The following ECE1 variants were observed in gnomAD, a reference collection of about 807,000 sequenced individuals.
The protein encoded by ECE1 is endothelin converting enzyme 1.
A neutral mutation model predicts 98.6 loss-of-function variants in ECE1; 35 were observed. The ratio of observed to expected loss-of-function variants is 0.35; its 90% CI spans 0.27 to 0.47. The LOEUF (loss-of-function observed/expected upper bound fraction) is 0.47. Among genes scored for constraint, ECE1 ranks in the 20% least tolerant of loss-of-function variants. The pLI is 1.00. For synonymous variants in ECE1, 394 were observed against 407.1 expected (o/e 0.97, Z 0.39); for missense variants, 814 against 1,025.3 (o/e 0.79, Z 2.81).
chr1:21,328,103 T>C (rs1413553183), intron 1 of ECE1, among the ~76,000 whole-genome samples: 4 of 152,188 alleles, frequency 2.6e-5, no homozygotes, highest in Non-Finnish European at 5.9e-5. Context: ...AGGTTGGAGA[T>C]TGCTGCTATA....
intron 4 of ECE1, chr1:21,266,778 T>C (rs2098234448): frequency 6.6e-6 from 1 of 152,234 alleles, no homozygotes; most frequent in Non-Finnish European, 1.5e-5. Flanking sequence ...TAACTCGTCC[T>C]AGGTCGCAAA....
chr1:21,289,387 G>C lies in ECE1; in HGVS notation c.138+683C>G, dbSNP rs2098263972. On this transcript the variant is annotated intron_variant, in intron 2 of 18. Transcript: ENST00000374893. ...CCCAGGGACGGGAGGGCAGAAAGCA[G>C]CCTTGCTCAATGTCCTGTTACAAGG... Among the ~76,000 whole-genome samples, 4 of 152,166 alleles carry C rather than the reference G, an allele frequency of 2.6e-5. No homozygotes were observed. The South Asian group carries it at 8.3e-4, about 32-fold the overall frequency.
rs775758654 is a variant in ECE1 at position 21,256,177 on chromosome 1, C to T, written c.829-39G>A. The T allele has an allele frequency of 2.1e-5, 33 of 1,573,416 alleles. No individual in the cohort carries two copies. In the African/African-American group the frequency reaches 3.1e-4, roughly 15 times the overall value. On this transcript the variant is annotated intron_variant, in intron 7 of 18. Coordinates refer to ENST00000374893, the MANE Select transcript of ECE1 (RefSeq NM_001397.3). ...ACCCCAAACTGTCAGTGGCTGCCCC[C>T]CCACTATCCACTGGACGAGAGTTGG...
intron 3 of ECE1, among the ~76,000 whole-genome samples, chr1:21,276,684 CTT>C (rs1163785168): frequency 5.5e-4 from 68 of 124,552 alleles, no homozygotes; most frequent in Admixed American, 5.9e-4. Flanking sequence ...GATTTGCTTT[CTT>C]TTTTTTTTTT....
At chr1:21,284,247 C>T (rs748726457) in intron 2 of ECE1, among the ~76,000 whole-genome samples, 10 of 152,142 alleles carry the variant, frequency 6.6e-5, no homozygotes, top group Non-Finnish European at 1.2e-4. Context: ...AATGAGGTCC[C>T]GTCAAGCATG....
At position 21,285,309 on chromosome 1, in the gene ECE1, T is replaced by G. The variant is rs544920553; in HGVS notation, c.138+4761A>C. ...TCCCCACAGCATGGGAGAAAGATGG[T>G]AACCCTGAGAAGTCAAATATCCCAC... On this transcript the variant is annotated intron_variant, in intron 2 of 18. Transcript: ENST00000374893. Among the ~76,000 whole-genome samples the G allele has an allele frequency of 1.9e-4, 29 of 152,276 alleles. 2 individuals are homozygous for G. The South Asian group carries it at 6.0e-3, about 32-fold the overall frequency.
At chr1:21,282,748 G>A (rs1161228194) in intron 2 of ECE1, among the ~76,000 whole-genome samples, 1 of 151,976 alleles carries the variant, frequency 6.6e-6, no homozygotes, top group Non-Finnish European at 1.5e-5. Flanking sequence ...CAAGGAGACA[G>A]CTAAGAGCAA....
At chr1:21,310,678 T>C (rs1484997325) in intron 1 of ECE1, among the ~76,000 whole-genome samples, 1 of 151,994 alleles carries the variant, frequency 6.6e-6, no homozygotes, top group African/African-American at 2.4e-5. Context: ...CAGGGATGAT[T>C]TGGGTACTTG....
Position 21,326,191 on chromosome 1 carries a change from G to A in ECE1, c.3+19185C>T, listed in dbSNP as rs577249520. ...CCCAGACTCAGCTGCCACACAGCACGAGCTCCCTGAGCAAAAATACCCATG... is the reference window on the plus strand; with the variant it reads ...CCCAGACTCAGCTGCCACACAGCACAAGCTCCCTGAGCAAAAATACCCATG... On this transcript the variant is annotated intron_variant, in intron 1 of 18. Coordinates refer to the ECE1 transcript ENST00000415912. Among the ~76,000 whole-genome samples, 18 of 152,034 alleles carry A rather than the reference G, an allele frequency of 1.2e-4. 1 individual carries two copies. The South Asian group carries it at 1.7e-3, about 14-fold the overall frequency.
chr1:21,226,992 G>A (rs1274882915), intron 16 of ECE1, among the ~76,000 whole-genome samples, 167 bp downstream of exon 16: 2 of 152,034 alleles, frequency 1.3e-5, no homozygotes, highest in Admixed American at 1.3e-4. Context: ...TCACAGCGCT[G>A]GGATTACAGG....
At position 21,258,736 on chromosome 1, in the gene ECE1, T is replaced by C. The variant is rs755120415; in HGVS notation, c.719A>G (p.Tyr240Cys). The change falls in exon 6 of 19, where the codon TAT becomes TGT. Residue 240 changes from tyrosine (Y) to cysteine (C), a missense_variant. By Grantham distance (194) the Tyr-to-Cys change is radical (BLOSUM62 -2). Around this residue, in one of 3 missense-constraint regions of ECE1, gnomAD observed 105 missense variants for 179.1 expected, o/e 0.59. Coordinates refer to ENST00000374893, the MANE Select transcript of ECE1 (RefSeq NM_001397.3). This position sits in a 1 kb window ranked among gnomAD's most constrained non-coding sequence, Gnocchi z 4.2. ...GGAGTTCTTGGAATCGGCACTGACA[T>C]AGACAGAGAAGAAGGGTGAGGTGCG... is the stretch of plus-strand genomic sequence containing the variant. ...HYRTSPFFSV[Y>C]VSADSKNSNS... The C allele has an allele frequency of 2.5e-6, 4 of 1,614,032 alleles. No individual in the cohort carries two copies. Among genetic ancestry groups the C allele is most frequent in the South Asian group, 2.2e-5 (2 of 91,074 alleles).
At chr1:21,276,689 T>G (rs1344936119) in intron 3 of ECE1, among the ~76,000 whole-genome samples, 1 of 149,960 alleles carries the variant, frequency 6.7e-6, no homozygotes, top group Non-Finnish European at 1.5e-5. Context: ...GCTTTCTTTT[T>G]TTTTTTTTTT....
chr1:21,279,096 T>A (rs1569627492), intron 3 of ECE1, 95 bp downstream of exon 3: 2 of 1,605,074 alleles, frequency 1.2e-6, no homozygotes, highest in Non-Finnish European at 1.7e-6. Context: ...CTCAGAGCCC[T>A]GCCCCGGCTT....
intron 2 of ECE1, among the ~76,000 whole-genome samples, chr1:21,285,278 C>G (rs778649794): frequency 9.9e-5 from 15 of 152,204 alleles, no homozygotes; most frequent in Non-Finnish European, 1.8e-4. Context: ...AGAAGGAACA[C>G]CCAGCTCCCC....
chr1:21,277,894 C>G (rs3026862), intron 3 of ECE1, among the ~76,000 whole-genome samples: 4,185 of 152,236 alleles, frequency 0.027, 183 homozygotes, highest in African/African-American at 0.095. Flanking sequence ...TGAATGAATA[C>G]CTGTGTGCCT....
chr1:21,291,808 C>CA (rs1226603820), upstream of ECE1, among the ~76,000 whole-genome samples: 1 of 151,914 alleles, frequency 6.6e-6, no homozygotes, highest in East Asian at 1.9e-4. Context: ...GCCTGGGTGA[C>CA]AGAGTGAGAC....
At chr1:21,283,207 A>T (rs1225084331) in intron 2 of ECE1, among the ~76,000 whole-genome samples, 2 of 152,026 alleles carry the variant, frequency 1.3e-5, no homozygotes, top group Non-Finnish European at 2.9e-5. Context: ...GGCCTCCCAA[A>T]ATGCTGGAAT....
chr1:21,316,287 GAGAA>G (rs1318474099), intron 1 of ECE1, among the ~76,000 whole-genome samples: 1 of 152,150 alleles, frequency 6.6e-6, no homozygotes. Flanking sequence ...TTTGTTTTTT[GAGAA>G]AGAGTCTTGC....
chr1:21,308,271 T>C (rs1364614540), intron 1 of ECE1, among the ~76,000 whole-genome samples: 1 of 152,162 alleles, frequency 6.6e-6, no homozygotes, highest in East Asian at 1.9e-4. Context: ...AGATGGGCTG[T>C]CCTGCCCTCA....
Sources: gnomAD v4.1 joint callset for allele counts (sites outside exome capture counted in the v4.1 genomes callset) on GRCh38, gnomAD v4.1.1 for gene constraint, gnomAD v4.1.1 regional missense constraint, Gnocchi (gnomAD v3.1) non-coding constraint, MANE v1.5 for transcripts, NCBI Gene and HGNC (gene_info 2026-07-23, HGNC 2026-07-21) for gene names.